The following TRPM5 variants were observed in gnomAD, a reference collection of about 807,000 sequenced individuals.
The protein encoded by TRPM5 is MLSN1 and TRP-related.
TRPM5 carries 121 observed loss-of-function variants against 124.9 expected under a neutral mutation model. That is an observed-to-expected ratio of 0.97 (90% CI 0.84 to 1.13). The LOEUF (loss-of-function observed/expected upper bound fraction) is 1.13, where lower values mean the gene tolerates loss of function less well. Among genes scored for constraint, TRPM5 ranks in the 50% most tolerant of loss-of-function variants. The probability of loss-of-function intolerance (pLI) is 0.00; values close to 1 mark genes in which losing one functional copy is unlikely to be tolerated. For synonymous variants in TRPM5, 781 were observed against 700.5 expected (o/e 1.11, Z -1.81); for missense variants, 1,643 against 1,589.1 (o/e 1.03, Z -0.58).
chr11:2,414,910 G>A, exon 10 of TRPM5: 1 of 1,605,082 alleles, frequency 6.2e-7, no homozygotes, highest in Non-Finnish European at 8.5e-7. Context: ...GGCTCACCAT[G>A]GCCCAGAAGT....
chr11:2,439,308 A>G, the TRPM5 span, among the ~76,000 whole-genome samples: 1 of 152,260 alleles, frequency 6.6e-6, no homozygotes, highest in Non-Finnish European at 1.5e-5. Context: ...CATTGCCACA[A>G]AAATATACAT....
rs369398558 is a variant in TRPM5 at position 2,405,688 on chromosome 11, C to T, written c.3325-95G>A. On this transcript the variant is annotated intron_variant, in intron 22 of 23. Transcript: ENST00000155858. Reference sequence around the variant, plus strand: ...CATCTCCCCTCTCCTGCCAGGGCCCCCGCTGCCCTGTGACTCCTCCCTCTG... The same window carrying T: ...CATCTCCCCTCTCCTGCCAGGGCCCTCGCTGCCCTGTGACTCCTCCCTCTG... The T allele has an allele frequency of 1.7e-3, 2,342 of 1,368,734 alleles. 66 individuals carry two copies. In the South Asian group the frequency reaches 0.028, roughly 17 times the overall value. 84.8% of individuals were successfully genotyped at this position (1,368,734 alleles called of 1,614,324 possible). A position where few individuals can be genotyped will look rare whatever the true frequency, so the allele number is the denominator to read the frequency against.
chr11:2,428,830 G>GA, the TRPM5 span, among the ~76,000 whole-genome samples: 2 of 151,810 alleles, frequency 1.3e-5, no homozygotes, highest in Non-Finnish European at 2.9e-5. The surrounding 1 kb of genome is among the most constrained non-coding windows in gnomAD (Gnocchi z 4.0). Context: ...TAATGGTGGT[G>GA]ATGGTGGTTA....
At chr11:2,412,997 C>T in exon 15 of TRPM5, 1 of 1,605,288 alleles carries the variant, frequency 6.2e-7, no homozygotes, top group Non-Finnish European at 8.5e-7. Context: ...TCGGCGCCTC[C>T]ACCAGCTCCT....
chr11:2,417,659 AC>A, intron 7 of TRPM5, 67 bp downstream of exon 12: 1 of 1,334,896 alleles, frequency 7.5e-7, no homozygotes, highest in Non-Finnish European at 1.0e-6. Flanking sequence ...AGGCTGCCAA[AC>A]CCCAAAGCGG....
chr11:2,422,230 G>A (rs1487117616), exon 2 of TRPM5: 4 of 1,612,488 alleles, frequency 2.5e-6, no homozygotes, highest in Non-Finnish European at 3.4e-6. Context: ...ACCCACCAGG[G>A]ACACCACCAG....
At chr11:2,406,903 C>A in intron 20 of TRPM5, 110 bp from the exon 26 acceptor site, 2 of 1,477,574 alleles carry the variant, frequency 1.4e-6, no homozygotes, top group African/African-American at 1.4e-5. Context: ...TGAGTGGGGC[C>A]CAGCCAGGGA....
chr11:2,423,000 C>T (rs773480921), exon 1 of TRPM5: 26 of 1,612,670 alleles, frequency 1.6e-5, no homozygotes, highest in East Asian at 6.7e-5. Context: ...TCAGCATCCC[C>T]GGGGCTTCCG....
intron 18 of TRPM5, among the ~76,000 whole-genome samples, chr11:2,409,417 G>T (rs1850397312): frequency 6.6e-6 from 1 of 152,184 alleles, no homozygotes. Flanking sequence ...CTGTGATTTG[G>T]GAAGGCGCCA....
Position 2,411,527 on chromosome 11 carries a change from C to A in TRPM5, c.2608-1G>T. The stretch of plus-strand genomic sequence containing the variant: ...AGAGGAAGAAGAAGACGTCCTTCAT[C>A]TCCACGGGGCAGGGGCAGAGAGAGG... On this transcript the variant is annotated splice_acceptor_variant, in intron 17 of 23. Coordinates refer to ENST00000155858, the Ensembl canonical transcript of TRPM5. LOFTEE classifies it high-confidence loss of function. The A allele has an allele frequency of 6.2e-7, 1 of 1,607,708 alleles. No homozygotes were observed. Among genetic ancestry groups the A allele is most frequent in the Non-Finnish European group, 8.5e-7 (1 of 1,176,388 alleles).
At chr11:2,410,230 A>G (rs1850417472) in intron 18 of TRPM5, among the ~76,000 whole-genome samples, 1 of 152,202 alleles carries the variant, frequency 6.6e-6, no homozygotes, top group Admixed American at 6.5e-5. Context: ...CCGCGCTGGG[A>G]GAGGCGGTTT....
the TRPM5 span, among the ~76,000 whole-genome samples, chr11:2,430,293 T>C: frequency 2.0e-5 from 3 of 152,240 alleles, no homozygotes; most frequent in African/African-American, 7.2e-5. Context: ...CACTCCATCC[T>C]GCTGCCCTGT....
Position 2,409,784 on chromosome 11 carries a change from G to A in TRPM5, c.2782+1568C>T, listed in dbSNP as rs191595402. Reference sequence around the variant, plus strand: ...AGTCTGAGACTCTCAGTGGGCGGCCGGGGCTGGCCCTGTTGCAGGCGTTTC... The same window carrying A: ...AGTCTGAGACTCTCAGTGGGCGGCCAGGGCTGGCCCTGTTGCAGGCGTTTC... On this transcript the variant is annotated intron_variant, in intron 18 of 23. Coordinates refer to ENST00000155858, the Ensembl canonical transcript of TRPM5. Among the ~76,000 whole-genome samples the A allele has an allele frequency of 2.7e-3, 412 of 152,306 alleles. 1 individual carries two copies. The highest frequency in any genetic ancestry group is 4.5e-3 in the Non-Finnish European group (304 of 68,008).
rs903708037 is a variant in TRPM5 at position 2,420,414 on chromosome 11, A to G, written c.466-9T>C. 2 of 1,599,304 alleles carry G rather than the reference A, an allele frequency of 1.3e-6. No individual in the cohort carries two copies. The highest frequency in any genetic ancestry group is 1.7e-6 in the Non-Finnish European group (2 of 1,170,152). On this transcript the variant is annotated splice_polypyrimidine_tract_variant and intron_variant, in intron 3 of 23. Coordinates refer to ENST00000155858, the Ensembl canonical transcript of TRPM5. ...TGGACAGGAAAATCCTCCTGCGCCC[A>G]TGCAGGGAGACGAGGCTGAGCCCTC...
intron 21 of TRPM5, 22 bp downstream of exon 26, chr11:2,406,621 CAGCCCGATACCCACCAGT>C (rs749721904): frequency 1.3e-6 from 2 of 1,555,964 alleles, no homozygotes; most frequent in South Asian, 2.4e-5. Flanking sequence ...CGCTTAAAGA[CAGCCCGATACCCACCAGT>C]GATCAGGACA....
chr11:2,416,063 T>G (rs1293988762), intron 7 of TRPM5, 39 bp from the exon 13 acceptor site: 2 of 1,494,306 alleles, frequency 1.3e-6, no homozygotes, highest in Non-Finnish European at 1.8e-6. Context: ...AGGGTGGAGC[T>G]GAGGGCCTCA....
chr11:2,411,596 G>C (rs762985261), intron 17 of TRPM5, 39 bp downstream of exon 22: 3 of 1,610,904 alleles, frequency 1.9e-6, no homozygotes, highest in Non-Finnish European at 2.5e-6. Flanking sequence ...GGGGATTGCT[G>C]TCCCTCCAGG....
chr11:2,420,487 C>A lies in TRPM5; in HGVS notation c.466-82G>T, dbSNP rs542148788. On this transcript the variant is annotated intron_variant, in intron 3 of 23. Transcript: ENST00000155858. ...CGCTGCGGGATCCTCCCTGCCAGGC[C>A]GTGCACACCACGCCATGGGGCCCCG... The A allele has an allele frequency of 3.2e-4, 455 of 1,429,620 alleles. 1 individual carries two copies. Among genetic ancestry groups the A allele is most frequent in the Non-Finnish European group, 3.2e-4 (343 of 1,063,570 alleles). The allele number at this position is 1,429,620 out of a possible 1,614,324, so 88.6% of individuals were successfully genotyped here. A position where few individuals can be genotyped will look rare whatever the true frequency, so the allele number is the denominator to read the frequency against.
chr11:2,404,031 C>G (rs1229926588), downstream of TRPM5, among the ~76,000 whole-genome samples: 1 of 152,200 alleles, frequency 6.6e-6, no homozygotes, highest in Non-Finnish European at 1.5e-5. Flanking sequence ...ATTGGAAACC[C>G]CAGGCCTCCT....
Sources: gnomAD v4.1 joint callset for allele counts (sites outside exome capture counted in the v4.1 genomes callset) on GRCh38, gnomAD v4.1.1 for gene constraint, Gnocchi (gnomAD v3.1) non-coding constraint, MANE v1.5 for transcripts, NCBI Gene and HGNC (gene_info 2026-07-23, HGNC 2026-07-21) for gene names.